The following GNAL variants were observed in gnomAD, a reference collection of about 807,000 sequenced individuals.
GNAL encodes G protein subunit alpha L.
Under a neutral mutation model 55.1 loss-of-function variants are expected in GNAL, and 18 were observed. That is an observed-to-expected ratio of 0.33 (90% confidence interval 0.23 to 0.48). The LOEUF is 0.48. Ranked by LOEUF, GNAL falls within the 20% of genes least tolerant of loss-of-function variation. The pLI, the probability that GNAL is intolerant of heterozygous loss-of-function variation, is 0.99. For missense variants in GNAL, 412 were observed against 614.1 expected (o/e 0.67, Z 3.48); for synonymous variants, 253 against 237.0 (o/e 1.07, Z -0.62).
intron 4 of GNAL, among the ~76,000 whole-genome samples, chr18:11,800,672 GAAATC>G (rs2034500118): frequency 6.6e-6 from 1 of 152,214 alleles, no homozygotes; most frequent in Non-Finnish European, 1.5e-5. Context: ...AGGTACAGCA[GAAATC>G]AGGAAGGGGC....
intron 1 of GNAL, chr18:11,745,828 A>C: frequency 5.7e-6 from 1 of 176,068 alleles, no homozygotes; most frequent in South Asian, 1.3e-4. Context: ...AGCTACAACC[A>C]CAAAAAAAAG....
intron 4 of GNAL, among the ~76,000 whole-genome samples, chr18:11,757,786 T>C (rs532847467): frequency 8.5e-5 from 13 of 152,120 alleles, no homozygotes; most frequent in African/African-American, 3.1e-4. Flanking sequence ...GGAGGAGCCA[T>C]TGCAGAAGGA....
chr18:11,782,945 G>A (rs1369726112), intron 4 of GNAL, among the ~76,000 whole-genome samples: 1 of 152,192 alleles, frequency 6.6e-6, no homozygotes, highest in East Asian at 1.9e-4. Context: ...AGGTGACAAT[G>A]CTTCAAGATT....
intron 5 of GNAL, among the ~76,000 whole-genome samples, chr18:11,859,830 C>T (rs936979283): frequency 2.0e-5 from 3 of 151,798 alleles, no homozygotes; most frequent in Non-Finnish European, 2.9e-5. Context: ...ACTACAACCT[C>T]TGCCTCCCGG....
intron 5 of GNAL, among the ~76,000 whole-genome samples, chr18:11,859,782 A>G (rs942158957): frequency 8.7e-5 from 13 of 149,858 alleles, no homozygotes; most frequent in African/African-American, 2.5e-4. Flanking sequence ...GTCTCACTCT[A>G]TCGCCCAGGC....
intron 4 of GNAL, among the ~76,000 whole-genome samples, chr18:11,805,174 C>T (rs57823546): frequency 1.4e-3 from 80 of 55,918 alleles, no homozygotes; most frequent in African/African-American, 6.6e-3. Context: ...CATGGAGATA[C>T]TGTGTAGTGG....
At chr18:11,821,295 T>C (rs1385507954) in intron 4 of GNAL, among the ~76,000 whole-genome samples, 3 of 152,200 alleles carry the variant, frequency 2.0e-5, no homozygotes, top group African/African-American at 7.2e-5. Flanking sequence ...GAATAGAAGA[T>C]GATTTAATAT....
chr18:11,793,773 A>G (rs1018546348), intron 4 of GNAL, among the ~76,000 whole-genome samples: 1 of 151,910 alleles, frequency 6.6e-6, no homozygotes, highest in Non-Finnish European at 1.5e-5. Context: ...AAAATAAAAA[A>G]TTAGCTGGGC....
At chr18:11,725,941 G>A (rs1244960141) in intron 1 of GNAL, among the ~76,000 whole-genome samples, 2 of 152,240 alleles carry the variant, frequency 1.3e-5, no homozygotes, top group East Asian at 1.9e-4. Context: ...AGCATTTGGT[G>A]GTGTTGGTGT....
chr18:11,732,815 A>G (rs76434452), intron 1 of GNAL, among the ~76,000 whole-genome samples: 120 of 152,374 alleles, frequency 7.9e-4, no homozygotes, highest in South Asian at 5.4e-3. Flanking sequence ...AGAACCCAGT[A>G]ACTGATGAGA....
chr18:11,860,491 G>A (rs1207558239), intron 5 of GNAL, among the ~76,000 whole-genome samples: 1 of 152,194 alleles, frequency 6.6e-6, no homozygotes, highest in African/African-American at 2.4e-5. Flanking sequence ...TTCTGTAGCT[G>A]AGTGAACTAA....
At chr18:11,813,482 A>G (rs1435029319) in intron 4 of GNAL, among the ~76,000 whole-genome samples, 1 of 152,240 alleles carries the variant, frequency 6.6e-6, no homozygotes, top group Non-Finnish European at 1.5e-5. Flanking sequence ...AGCAAAGACT[A>G]AAGTCGTGAT....
intron 5 of GNAL, among the ~76,000 whole-genome samples, chr18:11,832,460 A>G (rs1337025329): frequency 2.0e-5 from 3 of 152,180 alleles, no homozygotes; most frequent in African/African-American, 7.2e-5. Context: ...ATTTGATCCT[A>G]TGGCTGTCAA....
At chr18:11,874,246 C>T (rs557728958) in intron 10 of GNAL, 3 of 152,384 alleles carry the variant, frequency 2.0e-5, no homozygotes, top group African/African-American at 4.8e-5. Flanking sequence ...CTCACCCATC[C>T]CTGAGCATCT....
At chr18:11,703,586 T>G (rs1309402358) in intron 1 of GNAL, among the ~76,000 whole-genome samples, 1 of 152,224 alleles carries the variant, frequency 6.6e-6, no homozygotes, top group African/African-American at 2.4e-5. Context: ...CATCAGCTAT[T>G]TGATAAGCGC....
chr18:11,792,990 A>AT lies in GNAL; in HGVS notation c.625-31927dup, dbSNP rs139305937. Among the ~76,000 whole-genome samples, 909 of 152,364 alleles carry AT rather than the reference A, an allele frequency of 6.0e-3. 2 individuals carry two copies. Among genetic ancestry groups the AT allele is most frequent in the Middle Eastern group, 0.01 (3 of 294 alleles). ...CTAGATTGAACTAATTCTAAGAGAC[A>AT]TATATAACTTTACTCCATATGCAAA... On this transcript the variant is annotated intron_variant, in intron 4 of 11. Coordinates refer to ENST00000334049, the MANE Select transcript of GNAL (RefSeq NM_182978.4).
Position 11,884,356 on chromosome 18 carries a change from A to T in GNAL, c.*3221A>T. 8.0e-7 allele frequency: 1 copy of T among 1,257,334 alleles called. No homozygotes were observed. The highest frequency in any genetic ancestry group is 1.1e-6 in the Non-Finnish European group (1 of 883,064). 77.9% of individuals were successfully genotyped at this position (1,257,334 alleles called of 1,614,324 possible). ...TGTGCTGTGCAGAGAGACGGCCTGT[A>T]ATTGGTCTCATCATCCACTTGATTC... On this transcript the variant is annotated 3_prime_UTR_variant, in exon 12 of 12. Transcript: ENST00000334049.
chr18:11,807,950 C>T (rs1306886274), intron 4 of GNAL, among the ~76,000 whole-genome samples: 1 of 151,916 alleles, frequency 6.6e-6, no homozygotes, highest in Non-Finnish European at 1.5e-5. Context: ...CCAAGGTCCC[C>T]TGAAAGCAGC....
intron 4 of GNAL, among the ~76,000 whole-genome samples, chr18:11,770,421 T>C (rs1409996809): frequency 6.6e-6 from 1 of 152,182 alleles, no homozygotes; most frequent in Non-Finnish European, 1.5e-5. Context: ...TTTCTCTTAA[T>C]TTTCCTCCCT....
Sources: gnomAD v4.1 joint callset for allele counts (sites outside exome capture counted in the v4.1 genomes callset) on GRCh38, gnomAD v4.1.1 for gene constraint, MANE v1.5 for transcripts, NCBI Gene and HGNC (gene_info 2026-07-23, HGNC 2026-07-21) for gene names.